The following ARHGAP15 variants were observed in gnomAD, a reference collection of about 807,000 sequenced individuals.
ARHGAP15 encodes rho GTPase-activating protein 15.
Under a neutral mutation model 63.7 loss-of-function variants are expected in ARHGAP15, and 51 were observed. The ratio of observed to expected loss-of-function variants is 0.80; its 90% CI spans 0.64 to 1.01. ARHGAP15 has a LOEUF of 1.01. ARHGAP15 is among the 50% of genes least tolerant of loss of function. The pLI is 0.00. For synonymous variants in ARHGAP15, 191 were observed against 193.8 expected, an observed-to-expected ratio of 0.99 and a Z score of 0.12; for missense variants, 560 against 564.6, an observed-to-expected ratio of 0.99 and a Z score of 0.08.
chr2:143,294,485 C>T (rs1173719603), intron 6 of ARHGAP15, among the ~76,000 whole-genome samples: 1 of 152,026 alleles, frequency 6.6e-6, no homozygotes, highest in Middle Eastern at 3.2e-3. Flanking sequence ...AGGCTGCTTT[C>T]CTGCAGCCAT....
intron 6 of ARHGAP15, among the ~76,000 whole-genome samples, chr2:143,430,446 A>T (rs1689336262): frequency 6.6e-6 from 1 of 152,036 alleles, no homozygotes; most frequent in African/African-American, 2.4e-5. Flanking sequence ...GGTGGTCATA[A>T]ACACCTTTGA....
chr2:143,550,716 G>A lies in ARHGAP15; in HGVS notation c.926-5692G>A, dbSNP rs527563329. ...AACCTAGAAAGGAGGAAGAGGACAAGTTAAGTCTTAACTTTTGGGAGCTCT... is the reference window on the plus strand; with the variant it reads ...AACCTAGAAAGGAGGAAGAGGACAAATTAAGTCTTAACTTTTGGGAGCTCT... On this transcript the variant is annotated intron_variant, in intron 10 of 13. Coordinates refer to ENST00000295095, the MANE Select transcript of ARHGAP15 (RefSeq NM_018460.4). 3.3e-5 allele frequency among the ~76,000 whole-genome samples: 5 copies of A among 152,300 alleles called. No individual in the cohort carries two copies. In the South Asian group the frequency reaches 6.2e-4, roughly 19 times the overall value.
chr2:143,510,820 G>A (rs1403092796), intron 9 of ARHGAP15, among the ~76,000 whole-genome samples: 1 of 152,324 alleles, frequency 6.6e-6, no homozygotes, highest in Middle Eastern at 3.4e-3. Flanking sequence ...CCTTCTAGGT[G>A]CTTTGTTCTT....
chr2:143,666,220 G>C (rs1406030703), intron 12 of ARHGAP15, among the ~76,000 whole-genome samples: 1 of 148,234 alleles, frequency 6.7e-6, no homozygotes, highest in East Asian at 2.0e-4. Flanking sequence ...CCAAAACAGA[G>C]ATATAGATCA....
intron 13 of ARHGAP15, among the ~76,000 whole-genome samples, chr2:143,719,389 G>C (rs2105459050): frequency 6.6e-6 from 1 of 152,310 alleles, no homozygotes; most frequent in South Asian, 2.1e-4. Flanking sequence ...GGCATGTAAA[G>C]TGATATGTTA....
chr2:143,200,450 T>C (rs1479160486), intron 2 of ARHGAP15, among the ~76,000 whole-genome samples: 1 of 151,984 alleles, frequency 6.6e-6, no homozygotes. Flanking sequence ...GTCAGTTGTA[T>C]GTGCCAGTAA....
intron 10 of ARHGAP15, among the ~76,000 whole-genome samples, chr2:143,549,972 A>G (rs1391398114): frequency 6.6e-6 from 1 of 152,188 alleles, no homozygotes; most frequent in African/African-American, 2.4e-5. Flanking sequence ...ATCAGTCTCA[A>G]TCATAAGGGT....
chr2:143,291,385 TCTCCCTCC>T (rs200697303), intron 6 of ARHGAP15, among the ~76,000 whole-genome samples: 5 of 151,920 alleles, frequency 3.3e-5, no homozygotes, highest in South Asian at 2.1e-4. Flanking sequence ...ACACAGTTTC[TCTCCCTCC>T]CTCCCTCCCT....
At chr2:143,337,129 T>A (rs1227730052) in intron 6 of ARHGAP15, among the ~76,000 whole-genome samples, 1 of 151,724 alleles carries the variant, frequency 6.6e-6, no homozygotes, top group African/African-American at 2.4e-5. Context: ...CTTGGATAGG[T>A]GGGGAGGTAA....
intron 6 of ARHGAP15, among the ~76,000 whole-genome samples, chr2:143,355,490 C>T (rs867364623): frequency 1.3e-5 from 2 of 151,986 alleles, no homozygotes; most frequent in African/African-American, 4.8e-5. Context: ...TTTGGTTTGC[C>T]CACGACTATT....
intron 11 of ARHGAP15, among the ~76,000 whole-genome samples, chr2:143,592,254 A>T (rs1697350167): frequency 6.6e-6 from 1 of 152,246 alleles, no homozygotes. Context: ...TAACTCAGCA[A>T]GAAATTATAG....
At chr2:143,363,556 T>C (rs552985261) in intron 6 of ARHGAP15, among the ~76,000 whole-genome samples, 2 of 152,324 alleles carry the variant, frequency 1.3e-5, no homozygotes, top group African/African-American at 4.8e-5. Flanking sequence ...TATAGTTTTC[T>C]TCTTTCTGTC....
At chr2:143,323,894 CAAAAAAAAAAAAA>C (rs55804357) in intron 6 of ARHGAP15, among the ~76,000 whole-genome samples, 6 of 26,174 alleles carry the variant, frequency 2.3e-4, no homozygotes, top group Middle Eastern at 0.056. Flanking sequence ...GACTCCGTCT[CAAAAAAAAAAAAA>C]AAAAAAAAAA....
At chr2:143,295,084 T>C (rs1416639426) in intron 6 of ARHGAP15, among the ~76,000 whole-genome samples, 1 of 152,044 alleles carries the variant, frequency 6.6e-6, no homozygotes, top group Non-Finnish European at 1.5e-5. Flanking sequence ...GCTGTGAATA[T>C]ATTTCCCAAA....
At chr2:143,491,504 T>A (rs1692579182) in intron 9 of ARHGAP15, among the ~76,000 whole-genome samples, 1 of 152,224 alleles carries the variant, frequency 6.6e-6, no homozygotes, top group Non-Finnish European at 1.5e-5. Context: ...AAAACCATAC[T>A]GGATGGCATT....
At chr2:143,628,667 G>A (rs1406689447) in intron 12 of ARHGAP15, among the ~76,000 whole-genome samples, 1 of 152,162 alleles carries the variant, frequency 6.6e-6, no homozygotes, top group Non-Finnish European at 1.5e-5. Flanking sequence ...CCAGCCTGGA[G>A]AAGGTAGTGG....
At chr2:143,169,538 T>C (rs1690685658) in intron 2 of ARHGAP15, among the ~76,000 whole-genome samples, 1 of 152,104 alleles carries the variant, frequency 6.6e-6, no homozygotes, top group Non-Finnish European at 1.5e-5. Context: ...GAGAAAATAG[T>C]TATTTCATGT....
intron 6 of ARHGAP15, among the ~76,000 whole-genome samples, chr2:143,250,803 A>T (rs1285169828): frequency 6.6e-6 from 1 of 152,044 alleles, no homozygotes; most frequent in Non-Finnish European, 1.5e-5. Context: ...TCTAAACACA[A>T]AATGTATGTT....
intron 5 of ARHGAP15, among the ~76,000 whole-genome samples, chr2:143,246,417 G>A (rs1694046230): frequency 1.3e-5 from 2 of 151,808 alleles, no homozygotes; most frequent in Non-Finnish European, 2.9e-5. Context: ...CATGAAGTCA[G>A]AACAAACCAT....
Sources: gnomAD v4.1 joint callset for allele counts (sites outside exome capture counted in the v4.1 genomes callset) on GRCh38, gnomAD v4.1.1 for gene constraint, MANE v1.5 for transcripts, NCBI Gene and HGNC (gene_info 2026-07-23, HGNC 2026-07-21) for gene names.